DZIP1L: variants seen among roughly 807,000 people sequenced by gnomAD.
DZIP1L encodes the protein cilium assembly protein DZIP1L.
In DZIP1L, 90 loss-of-function variants were observed where a neutral mutation model predicts 88.7. The observed-to-expected ratio is 1.02, with a 90% confidence interval of 0.86 to 1.21. The LOEUF (loss-of-function observed/expected upper bound fraction) is 1.21, where lower values mean the gene tolerates loss of function less well. DZIP1L is among the 50% of genes most tolerant of loss of function. The pLI, the probability that DZIP1L is intolerant of heterozygous loss-of-function variation, is 0.00. For synonymous variants in DZIP1L, 363 were observed against 372.1 expected (o/e 0.98, Z 0.28); for missense variants, 932 against 955.8 (o/e 0.98, Z 0.33).
intron 1 of DZIP1L, among the ~76,000 whole-genome samples, chr3:138,106,135 T>C (rs867502341): frequency 2.5e-4 from 32 of 126,304 alleles, no homozygotes; most frequent in African/African-American, 9.7e-4. Context: ...TTCTTTTTTT[T>C]TTTTTTTTTT....
At chr3:138,064,796 T>G (rs976357571) in intron 14 of DZIP1L, 29 bp from the exon 15 acceptor site, 1 of 1,543,234 alleles carries the variant, frequency 6.5e-7, no homozygotes. Flanking sequence ...GCTGTGTCAG[T>G]GGGAGAAGCC....
chr3:138,071,828 T>G lies in DZIP1L; in HGVS notation c.1430A>C (p.Lys477Thr). 6.2e-7 allele frequency: 1 copy of G among 1,612,700 alleles called. No homozygotes were observed. Among genetic ancestry groups the G allele is most frequent in the East Asian group, 2.2e-5 (1 of 44,858 alleles). Reference protein sequence around the residue: ...LESMGIRKDAKGISIQTLRHL... With the variant: ...LESMGIRKDATGISIQTLRHL... ...TCTGAGAGTCTGAATCGAGATTCCC[T>G]TTGCATCCTAGAGGAGACAGGAGTT... Residue 477 changes from lysine to threonine, a missense_variant, in exon 12 of 16, where the codon AAG becomes ACG. Coordinates refer to ENST00000327532, the MANE Select transcript of DZIP1L (RefSeq NM_173543.3).
At chr3:138,078,551 A>T (rs1340697013) in intron 10 of DZIP1L, among the ~76,000 whole-genome samples, 1 of 152,228 alleles carries the variant, frequency 6.6e-6, no homozygotes, top group African/African-American at 2.4e-5. Context: ...GAAGCCTGAG[A>T]AACAATGATT....
At position 138,088,486 on chromosome 3, in the gene DZIP1L, G is replaced by A; in HGVS notation, c.892C>T (p.His298Tyr). The change falls in exon 6 of 16, where the codon CAC (histidine) becomes TAC (tyrosine). Residue 298 changes from histidine (H) to tyrosine (Y), a missense_variant. Physicochemically the swap from His to Tyr is moderately conservative, Grantham distance 83 (BLOSUM62 2). Transcript: ENST00000327532. ...CCCAGCTTGGACTCCATCACACTGT[G>A]GGACTGCAGTGCCCGCAGTTTCTGA... ...LEEKLRALQS[H>Y]SVMESKLGSL... is the part of the protein sequence containing the mutation. 1 of 1,613,676 alleles carries A rather than the reference G, an allele frequency of 6.2e-7. No homozygotes were observed. The highest frequency in any genetic ancestry group is 8.5e-7 in the Non-Finnish European group (1 of 1,179,834).
At chr3:138,066,317 T>C (rs1217517268) in intron 14 of DZIP1L, among the ~76,000 whole-genome samples, 1 of 152,260 alleles carries the variant, frequency 6.6e-6, no homozygotes, top group Non-Finnish European at 1.5e-5. Flanking sequence ...CACTGTGATA[T>C]TTAACTCTAT....
chr3:138,068,320 T>C lies in DZIP1L; in HGVS notation c.1663A>G (p.Thr555Ala). The C allele has an allele frequency of 6.3e-7, 1 of 1,588,794 alleles. No individual in the cohort carries two copies. The highest frequency in any genetic ancestry group is 8.6e-7 in the Non-Finnish European group (1 of 1,166,148). ...TLVTREAQPK[T>A]RTLQVALPST... is the part of the protein sequence containing the mutation. ...GGCAAGGCCACCTGCAGGGTCCTGGTCTTTGGCTGGGCCTCTCTGGTGACC... is the reference window on the plus strand; with the variant it reads ...GGCAAGGCCACCTGCAGGGTCCTGGCCTTTGGCTGGGCCTCTCTGGTGACC... Residue 555 changes from threonine to alanine, a missense_variant, in exon 13 of 16, where the codon ACC becomes GCC. By Grantham distance (58) the Thr-to-Ala change is moderately conservative. Coordinates refer to ENST00000327532, the MANE Select transcript of DZIP1L (RefSeq NM_173543.3).
intron 12 of DZIP1L, chr3:138,069,205 T>G: frequency 1.5e-6 from 1 of 646,368 alleles, no homozygotes; most frequent in South Asian, 1.8e-5. Context: ...TCCTTTATGA[T>G]GATCCACTTC....
Position 138,086,964 on chromosome 3 carries a change from T to G in DZIP1L, c.1059A>C (p.Lys353Asn). The G allele has an allele frequency of 6.2e-7, 1 of 1,613,822 alleles. No homozygotes were observed. Among genetic ancestry groups the G allele is most frequent in the Admixed American group, 1.7e-5 (1 of 59,916 alleles). ...GAGATCACCCAACAAAAGCTACCTC[T>G]TTCTTCTCAGCCATGTGCTCTTCAT... Reference protein sequence around the residue: ...ELHEEHMAEKKELQEENQRLQ... With the variant: ...ELHEEHMAEKNELQEENQRLQ... The change falls in exon 7 of 16, where the codon AAA becomes AAC. Residue 353 changes from lysine to asparagine, a missense_variant. Coordinates refer to ENST00000327532, the MANE Select transcript of DZIP1L (RefSeq NM_173543.3).
intron 5 of DZIP1L, among the ~76,000 whole-genome samples, chr3:138,091,393 G>T (rs1412364334): frequency 6.6e-6 from 1 of 151,446 alleles, no homozygotes; most frequent in Non-Finnish European, 1.5e-5. Flanking sequence ...TGAGGTGGGT[G>T]GATCACTTGA....
At chr3:138,068,064 G>A in intron 13 of DZIP1L, 87 bp downstream of exon 13, 1 of 1,220,166 alleles carries the variant, frequency 8.2e-7, no homozygotes, top group Non-Finnish European at 1.1e-6. Context: ...CCTATCTGCA[G>A]AAGCCTGGAG....
chr3:138,084,106 G>A lies in DZIP1L; in HGVS notation c.1203+7C>T. On this transcript the variant is annotated splice_region_variant and intron_variant, in intron 8 of 15. Transcript: ENST00000327532. ...CAAGGCCTGGCTGAAAGGAAGGGCA[G>A]ACCTACCATCTCCTCCTGGGAGGCA... 2.5e-6 allele frequency: 4 copies of A among 1,613,258 alleles called. No homozygotes were observed. The highest frequency in any genetic ancestry group is 3.4e-6 in the Non-Finnish European group (4 of 1,179,596).
chr3:138,101,780 C>T, intron 2 of DZIP1L: 1 of 1,118,828 alleles, frequency 8.9e-7, no homozygotes, highest in Non-Finnish European at 1.4e-6. Flanking sequence ...ATCTTGATGT[C>T]CAGGGCCAGC....
At chr3:138,093,872 C>T (rs1299312802) in intron 4 of DZIP1L, among the ~76,000 whole-genome samples, 1 of 152,202 alleles carries the variant, frequency 6.6e-6, no homozygotes, top group Non-Finnish European at 1.5e-5. Flanking sequence ...TCTATCCAGA[C>T]CACTAAAACT....
intron 5 of DZIP1L, chr3:138,089,024 A>C: frequency 1.0e-6 from 1 of 985,502 alleles, no homozygotes; most frequent in African/African-American, 1.7e-5. Context: ...AAAAAGGTAC[A>C]GAAAATTGGA....
At position 138,094,972 on chromosome 3, in the gene DZIP1L, T is replaced by C; in HGVS notation, c.598A>G (p.Lys200Glu). Residue 200 changes from lysine (K) to glutamate (E), a missense_variant, in exon 4 of 16, where the codon AAA becomes GAA. Lys to Glu is a moderately conservative substitution (Grantham distance 56). Coordinates refer to ENST00000327532, the MANE Select transcript of DZIP1L (RefSeq NM_173543.3). The stretch of plus-strand genomic sequence containing the variant: ...ACCTCTTCCACTGGCTGTTCCTGTT[T>C]CTTCTGTTTTCCTGTGGGGTCCACG... Reference protein sequence around the residue: ...AGVAEGGKQKKQEQPVEEVLE... With the variant: ...AGVAEGGKQKEQEQPVEEVLE... The C allele has an allele frequency of 6.2e-7, 1 of 1,614,232 alleles. No homozygotes were observed. Among genetic ancestry groups the C allele is most frequent in the South Asian group, 1.1e-5 (1 of 91,090 alleles).
intron 11 of DZIP1L, among the ~76,000 whole-genome samples, chr3:138,077,023 CA>C (rs200172017): frequency 4.2e-4 from 60 of 144,402 alleles, no homozygotes; most frequent in African/African-American, 1.0e-3. Context: ...TATTACTTCT[CA>C]AAAAAAAAAA....
intron 12 of DZIP1L, chr3:138,069,273 C>A: frequency 4.0e-6 from 2 of 496,270 alleles, no homozygotes; most frequent in South Asian, 6.7e-5. Flanking sequence ...ATAACATGTT[C>A]TTTTCTCTAG....
At chr3:138,107,918 C>T (rs2042542006) in intron 1 of DZIP1L, among the ~76,000 whole-genome samples, 2 of 152,154 alleles carry the variant, frequency 1.3e-5, no homozygotes, top group Admixed American at 6.5e-5. Context: ...CAGATCCATC[C>T]TTCCCTTTCT....
intron 5 of DZIP1L, among the ~76,000 whole-genome samples, chr3:138,091,366 C>T (rs1944213463): frequency 6.6e-6 from 1 of 150,994 alleles, no homozygotes; most frequent in African/African-American, 2.4e-5. Context: ...CCTGTAAATC[C>T]CAGCACTTTG....
Sources: gnomAD v4.1 joint callset for allele counts (sites outside exome capture counted in the v4.1 genomes callset) on GRCh38, gnomAD v4.1.1 for gene constraint, MANE v1.5 for transcripts, NCBI Gene and HGNC (gene_info 2026-07-23, HGNC 2026-07-21) for gene names.